Variants in SLC25A21 observed in about 807,000 individuals in gnomAD.
SLC25A21 encodes mitochondrial 2-oxodicarboxylate carrier.
Under a neutral mutation model 43.8 loss-of-function variants are expected in SLC25A21, and 47 were observed. The observed-to-expected ratio is 1.07, with a 90% CI of 0.85 to 1.37. The LOEUF (loss-of-function observed/expected upper bound fraction) is 1.37, where lower values mean the gene tolerates loss of function less well. SLC25A21 is among the 40% of genes most tolerant of loss of function. The probability of loss-of-function intolerance (pLI) is 0.00; values close to 1 mark genes in which losing one functional copy is unlikely to be tolerated. For synonymous variants in SLC25A21, 131 were observed against 121.3 expected, an observed-to-expected ratio of 1.08 and a Z score of -0.52; for missense variants, 352 against 350.2, an observed-to-expected ratio of 1.00 and a Z score of -0.04.
intron 1 of SLC25A21, among the ~76,000 whole-genome samples, chr14:36,893,010 C>T (rs1363406627): frequency 2.6e-5 from 4 of 152,130 alleles, no homozygotes; most frequent in African/African-American, 4.8e-5. Context: ...AATAAACATA[C>T]GTGTGCATGT....
At chr14:36,746,655 C>T (rs1037116943) in intron 3 of SLC25A21, among the ~76,000 whole-genome samples, 1 of 152,118 alleles carries the variant, frequency 6.6e-6, no homozygotes, top group Non-Finnish European at 1.5e-5. Context: ...TGAGGAAATT[C>T]CTTGCTCCAT....
intron 7 of SLC25A21, among the ~76,000 whole-genome samples, chr14:36,695,186 G>C (rs577215086): frequency 6.6e-6 from 1 of 152,104 alleles, no homozygotes; most frequent in Non-Finnish European, 1.5e-5. Flanking sequence ...CCCATTTCTT[G>C]TTTTTGTCAG....
chr14:37,133,054 G>C (rs925604907), intron 1 of SLC25A21, among the ~76,000 whole-genome samples: 6 of 151,890 alleles, frequency 4.0e-5, no homozygotes, highest in African/African-American at 1.5e-4. Context: ...TGAATGGGGG[G>C]ATCTTTAAGT....
In SLC25A21 at chr14:36,970,257, T is replaced by C. The variant is rs146883390; in HGVS notation, c.71-95253A>G. The stretch of plus-strand genomic sequence containing the variant: ...TAGGCTGGGCACTTTTCATCCCTTC[T>C]CTCCTTGAGGTCTGGAATCCTGTGG... On this transcript the variant is annotated intron_variant, in intron 1 of 9. Transcript: ENST00000331299. Among the ~76,000 whole-genome samples, 10 of 152,216 alleles carry C rather than the reference T, an allele frequency of 6.6e-5. No homozygotes were observed. In the East Asian group the frequency reaches 1.9e-3, roughly 29 times the overall value.
At chr14:36,701,080 T>A (rs1457658869) in intron 7 of SLC25A21, among the ~76,000 whole-genome samples, 1 of 152,226 alleles carries the variant, frequency 6.6e-6, no homozygotes, top group South Asian at 2.1e-4. Flanking sequence ...GCTCTCACTA[T>A]ACAACTTTCA....
At chr14:37,031,572 G>A (rs905828620) in intron 1 of SLC25A21, among the ~76,000 whole-genome samples, 3 of 152,162 alleles carry the variant, frequency 2.0e-5, no homozygotes, top group African/African-American at 7.2e-5. Context: ...GATGTTGGCA[G>A]AGATGTGAGA....
intron 9 of SLC25A21, among the ~76,000 whole-genome samples, chr14:36,681,789 T>G (rs868457568): frequency 6.6e-6 from 1 of 152,172 alleles, no homozygotes; most frequent in Non-Finnish European, 1.5e-5. Flanking sequence ...ATACCAAAGA[T>G]AATTATCTGC....
chr14:37,001,880 T>G (rs1960497506), intron 1 of SLC25A21, among the ~76,000 whole-genome samples: 1 of 152,208 alleles, frequency 6.6e-6, no homozygotes, highest in Admixed American at 6.5e-5. Flanking sequence ...CCTAAAATAT[T>G]GTAATCTTAT....
At chr14:37,071,160 G>A (rs1393558606) in intron 1 of SLC25A21, among the ~76,000 whole-genome samples, 2 of 152,126 alleles carry the variant, frequency 1.3e-5, no homozygotes, top group Non-Finnish European at 2.9e-5. Context: ...TTAATCCTCT[G>A]GAAAGCTAAT....
chr14:37,040,423 GAAAGAAAGAAAGAAAGA>G (rs1961443791), intron 1 of SLC25A21, among the ~76,000 whole-genome samples: 10 of 100,784 alleles, frequency 9.9e-5, no homozygotes, highest in African/African-American at 6.2e-4. Context: ...AAGAAAGAAA[GAAAGAAAGAAAGAAAGA>G]AAAGAAAAAT....
chr14:36,808,965 C>G (rs1888138023), intron 3 of SLC25A21: 1 of 152,112 alleles, frequency 6.6e-6, no homozygotes, highest in South Asian at 2.1e-4. Context: ...AGTCCCCTCA[C>G]CCACCTGTGA....
chr14:36,924,074 G>T (rs1486504965), intron 1 of SLC25A21, among the ~76,000 whole-genome samples: 1 of 151,998 alleles, frequency 6.6e-6, no homozygotes, highest in Admixed American at 6.6e-5. Context: ...TTACACTGTT[G>T]GTGGGATTGT....
intron 1 of SLC25A21, among the ~76,000 whole-genome samples, chr14:37,127,010 CAT>C (rs1963308886): frequency 6.6e-6 from 1 of 152,134 alleles, no homozygotes; most frequent in East Asian, 1.9e-4. Context: ...GTTTCTACAA[CAT>C]AAATATTACG....
intron 2 of SLC25A21, among the ~76,000 whole-genome samples, chr14:36,863,325 T>G (rs567214574): frequency 1.3e-5 from 2 of 151,980 alleles, no homozygotes; most frequent in East Asian, 1.9e-4. Flanking sequence ...AGGGAGAGTC[T>G]TCTAAGACCA....
chr14:36,707,019 C>A (rs1566519523), intron 7 of SLC25A21, among the ~76,000 whole-genome samples: 1 of 152,154 alleles, frequency 6.6e-6, no homozygotes, highest in Admixed American at 6.5e-5. Context: ...TGATCTGATC[C>A]CCTTGTGTCT....
At chr14:37,041,112 G>A (rs779932721) in intron 1 of SLC25A21, among the ~76,000 whole-genome samples, 71 of 152,032 alleles carry the variant, frequency 4.7e-4, no homozygotes, top group Non-Finnish European at 4.3e-4. Flanking sequence ...TCAGTTTTTG[G>A]AAATGCTGCC....
chr14:36,931,416 G>A (rs1892286304), intron 1 of SLC25A21, among the ~76,000 whole-genome samples: 2 of 152,168 alleles, frequency 1.3e-5, no homozygotes, highest in South Asian at 4.1e-4. Context: ...TTGCCAAGGT[G>A]TCGAGGTGAG....
intron 1 of SLC25A21, among the ~76,000 whole-genome samples, chr14:37,158,624 A>C (rs1963889194): frequency 1.3e-5 from 2 of 152,234 alleles, no homozygotes; most frequent in Non-Finnish European, 2.9e-5. Flanking sequence ...AGCTAGTATC[A>C]TACTGAATAG....
intron 1 of SLC25A21, among the ~76,000 whole-genome samples, chr14:36,894,676 T>C (rs900777899): frequency 6.6e-6 from 1 of 152,156 alleles, no homozygotes; most frequent in African/African-American, 2.4e-5. Context: ...GGCTGTGGGT[T>C]TGTCATAGAT....
Sources: allele counts gnomAD v4.1 joint callset (sites outside exome capture counted in the v4.1 genomes callset), GRCh38; gene constraint gnomAD v4.1.1; transcripts MANE v1.5; gene names NCBI Gene and HGNC (gene_info 2026-07-23, HGNC 2026-07-21).